MSRA: variants seen among roughly 807,000 people sequenced by gnomAD.
The protein encoded by MSRA is methionine sulfoxide reductase A, also known as mitochondrial peptide methionine sulfoxide reductase.
In MSRA, 54 loss-of-function variants were observed where a neutral mutation model predicts 31.3. That is an observed-to-expected ratio of 1.73 (90% CI 1.39 to 2.17). MSRA has a LOEUF of 2.17. Among genes scored for constraint, MSRA ranks in the 30% most tolerant of loss-of-function variants. The probability of loss-of-function intolerance (pLI) is 0.00; values close to 1 mark genes in which losing one functional copy is unlikely to be tolerated. For missense variants in MSRA, 507 were observed against 300.9 expected (o/e 1.69, Z -5.07); for synonymous variants, 169 against 116.5 (o/e 1.45, Z -2.90).
At chr8:10,222,895 C>G (rs1810654094) in intron 2 of MSRA, among the ~76,000 whole-genome samples, 1 of 152,092 alleles carries the variant, frequency 6.6e-6, no homozygotes, top group South Asian at 2.1e-4. Flanking sequence ...TTCTGGAGAT[C>G]TTGGTGACTA....
intron 5 of MSRA, among the ~76,000 whole-genome samples, chr8:10,339,531 CTTTTTT>C (rs774034241): frequency 5.4e-4 from 39 of 72,808 alleles, no homozygotes; most frequent in Admixed American, 3.4e-3. Context: ...TTCTTTCTTT[CTTTTTT>C]TTTTTTTTTT....
chr8:10,096,306 GC>G, intron 1 of MSRA: 2 of 1,108,964 alleles, frequency 1.8e-6, no homozygotes, highest in South Asian at 4.3e-5. Flanking sequence ...CGCTTGAAGG[GC>G]AAACAAGAAA....
chr8:10,212,895 A>G (rs1215788571), intron 2 of MSRA, among the ~76,000 whole-genome samples: 3 of 152,128 alleles, frequency 2.0e-5, no homozygotes, highest in African/African-American at 7.2e-5. Flanking sequence ...TTATTTTTTA[A>G]TTTAAAAGTT....
At chr8:10,253,092 A>G (rs1018041353) in intron 3 of MSRA, among the ~76,000 whole-genome samples, 1 of 152,198 alleles carries the variant, frequency 6.6e-6, no homozygotes, top group Non-Finnish European at 1.5e-5. Context: ...TATAGCTTCA[A>G]ATAACTGAAG....
intron 2 of MSRA, among the ~76,000 whole-genome samples, chr8:10,218,288 G>A (rs981412401): frequency 3.9e-5 from 6 of 151,940 alleles, no homozygotes; most frequent in Non-Finnish European, 5.9e-5. Context: ...TGGGATTATA[G>A]GCGTGCACCA....
chr8:10,250,689 C>T (rs999328273), intron 3 of MSRA: 3 of 553,182 alleles, frequency 5.4e-6, no homozygotes, highest in Non-Finnish European at 9.6e-6. Flanking sequence ...GTGTGACCCT[C>T]TGGGGGTGGT....
At chr8:10,131,584 G>C (rs898030450) in intron 1 of MSRA, among the ~76,000 whole-genome samples, 1 of 152,192 alleles carries the variant, frequency 6.6e-6, no homozygotes, top group Non-Finnish European at 1.5e-5. Flanking sequence ...TTAATGAATG[G>C]TTAGGAATCC....
At chr8:10,364,995 C>G (rs1805073003) in intron 5 of MSRA, among the ~76,000 whole-genome samples, 1 of 152,108 alleles carries the variant, frequency 6.6e-6, no homozygotes, top group Non-Finnish European at 1.5e-5. Flanking sequence ...TTATATAACA[C>G]ATTTGATATT....
intron 1 of MSRA, among the ~76,000 whole-genome samples, chr8:10,156,441 A>G (rs2129039717): frequency 6.6e-6 from 1 of 151,606 alleles, no homozygotes; most frequent in South Asian, 2.1e-4. Context: ...ATGTGTGTGT[A>G]CGTGTGTGTA....
At chr8:10,248,519 C>A (rs1466169330) in intron 3 of MSRA, among the ~76,000 whole-genome samples, 1 of 152,172 alleles carries the variant, frequency 6.6e-6, no homozygotes, top group East Asian at 1.9e-4. Flanking sequence ...AAGTTTGCTA[C>A]CCCTGCTGTG....
chr8:10,166,829 C>T (rs965683546), intron 1 of MSRA, among the ~76,000 whole-genome samples: 1 of 152,152 alleles, frequency 6.6e-6, no homozygotes, highest in Non-Finnish European at 1.5e-5. Flanking sequence ...CATGGACTTA[C>T]CCCAGAATTG....
intron 1 of MSRA, among the ~76,000 whole-genome samples, chr8:10,154,357 T>A (rs1447871255): frequency 1.3e-5 from 2 of 151,198 alleles, no homozygotes; most frequent in African/African-American, 2.5e-5. Context: ...GAAGGACACA[T>A]TTGTGGTTTT....
intron 2 of MSRA, among the ~76,000 whole-genome samples, chr8:10,226,802 T>C (rs143359279): frequency 2.4e-4 from 37 of 152,346 alleles, no homozygotes; most frequent in African/African-American, 8.4e-4. Context: ...TCAGGTCCTG[T>C]TAGAGCTCTA....
At chr8:10,306,978 C>G (rs963615986) in intron 4 of MSRA, among the ~76,000 whole-genome samples, 2 of 152,058 alleles carry the variant, frequency 1.3e-5, no homozygotes, top group African/African-American at 4.8e-5. Flanking sequence ...TGACCATAAC[C>G]CTGTGAAGTA....
At chr8:10,254,777 C>T (rs1314585992) in intron 3 of MSRA, among the ~76,000 whole-genome samples, 1 of 152,248 alleles carries the variant, frequency 6.6e-6, no homozygotes, top group Non-Finnish European at 1.5e-5. Flanking sequence ...TGCATTTTCA[C>T]ATGTCTTTCG....
intron 4 of MSRA, 151 bp from the exon 5 acceptor site, chr8:10,319,732 C>A (rs1272376650): frequency 6.6e-5 from 28 of 423,528 alleles, no homozygotes; most frequent in Non-Finnish European, 1.1e-4. Context: ...AAAGAAAATG[C>A]TGTAAACAGA....
At chr8:10,323,802 A>G (rs1432935644) in intron 5 of MSRA, among the ~76,000 whole-genome samples, 1 of 133,100 alleles carries the variant, frequency 7.5e-6, no homozygotes, top group East Asian at 2.1e-4. Flanking sequence ...GCATGTCTGC[A>G]TGTCTATGTG....
intron 5 of MSRA, among the ~76,000 whole-genome samples, chr8:10,351,166 C>T (rs1014657309): frequency 2.0e-5 from 3 of 151,436 alleles, no homozygotes; most frequent in Admixed American, 6.6e-5. Context: ...CCACGCTCAT[C>T]CATTCGAGTG....
intron 1 of MSRA, among the ~76,000 whole-genome samples, chr8:10,105,712 ATAACT>A (rs1799835665): frequency 6.6e-6 from 1 of 152,226 alleles, no homozygotes; most frequent in African/African-American, 2.4e-5. Context: ...TGCTAACAAA[ATAACT>A]TAATTGAGAA....
Sources: allele counts gnomAD v4.1 joint callset (sites outside exome capture counted in the v4.1 genomes callset), GRCh38; gene constraint gnomAD v4.1.1; transcripts MANE v1.5; gene names NCBI Gene and HGNC (gene_info 2026-07-23, HGNC 2026-07-21).